The following KIF26B variants were observed in gnomAD, a reference collection of about 807,000 sequenced individuals.
KIF26B encodes kinesin family member 26B.
Under a neutral mutation model 151.2 loss-of-function variants are expected in KIF26B, and 63 were observed. That is an observed-to-expected ratio of 0.42 (90% confidence interval 0.34 to 0.51). KIF26B has a LOEUF of 0.51. Ranked by LOEUF, KIF26B falls within the 20% of genes least tolerant of loss-of-function variation. The probability of loss-of-function intolerance (pLI) is 0.07; values close to 1 mark genes in which losing one functional copy is unlikely to be tolerated. For missense variants in KIF26B, 2,813 were observed against 2,913.6 expected (o/e 0.97, Z 0.79); for synonymous variants, 1,357 against 1,262.1 (o/e 1.08, Z -1.59).
chr1:245,584,710 C>T (rs1489329068), intron 5 of KIF26B, among the ~76,000 whole-genome samples: 2 of 152,036 alleles, frequency 1.3e-5, no homozygotes, highest in Admixed American at 6.5e-5. Flanking sequence ...TATGCTTCTA[C>T]GATAGTAATA....
intron 2 of KIF26B, among the ~76,000 whole-genome samples, chr1:245,309,950 G>GTA (rs1225627058): frequency 7.6e-6 from 1 of 131,116 alleles, no homozygotes. Flanking sequence ...CTCACTATAT[G>GTA]TATATATATC....
chr1:245,473,690 C>T (rs1659966160), intron 4 of KIF26B, among the ~76,000 whole-genome samples: 1 of 151,878 alleles, frequency 6.6e-6, no homozygotes, highest in South Asian at 2.1e-4. Flanking sequence ...ACTTGAAATA[C>T]TTTCATAGGT....
intron 2 of KIF26B, among the ~76,000 whole-genome samples, chr1:245,161,995 A>G (rs574683472): frequency 1.3e-5 from 2 of 152,284 alleles, no homozygotes; most frequent in South Asian, 4.1e-4. Context: ...GAACCTCCTT[A>G]TATTTACGTG....
chr1:245,541,421 C>G (rs1314181916), intron 5 of KIF26B, among the ~76,000 whole-genome samples: 1 of 152,208 alleles, frequency 6.6e-6, no homozygotes, highest in Non-Finnish European at 1.5e-5. Flanking sequence ...TGCAGTCTTG[C>G]CTTTCTAGCC....
chr1:245,388,805 T>G (rs1253850022), intron 3 of KIF26B, among the ~76,000 whole-genome samples: 1 of 152,108 alleles, frequency 6.6e-6, no homozygotes, highest in African/African-American at 2.4e-5. Context: ...ATCCAATTGG[T>G]GGGTTGTTTC....
rs1477605401 is a variant in KIF26B, at chr1:245,568,919, AG to A, written c.1350+27970del. On this transcript the variant is annotated intron_variant, in intron 5 of 14. Coordinates refer to ENST00000407071, the MANE Select transcript of KIF26B (RefSeq NM_018012.4). Reference sequence around the variant, plus strand: ...ACAGTTCAAATGATTCTAAAACTAGAGATTAAATCCTGTGAATTTCCTACTC... The same window carrying A: ...ACAGTTCAAATGATTCTAAAACTAGAATTAAATCCTGTGAATTTCCTACTC... Among the ~76,000 whole-genome samples, 5 of 152,202 alleles carry A rather than the reference AG, an allele frequency of 3.3e-5. No individual in the cohort carries two copies. The East Asian group carries it at 9.6e-4, about 29-fold the overall frequency.
At chr1:245,334,305 G>A (rs944485534) in intron 2 of KIF26B, among the ~76,000 whole-genome samples, 9 of 152,314 alleles carry the variant, frequency 5.9e-5, no homozygotes, top group South Asian at 2.1e-4. Context: ...TTCCTAATGC[G>A]CAGGAATGTT....
intron 2 of KIF26B, among the ~76,000 whole-genome samples, chr1:245,304,322 G>T (rs1671495713): frequency 6.6e-6 from 1 of 152,164 alleles, no homozygotes. Flanking sequence ...CAATCCAATT[G>T]CTAAACAAGA....
chr1:245,285,998 TAAAAA>T (rs34582895), intron 2 of KIF26B, among the ~76,000 whole-genome samples: 1 of 110,832 alleles, frequency 9.0e-6, no homozygotes. Context: ...ACCCTCTCTC[TAAAAA>T]AAAAAAAAAA....
chr1:245,353,238 C>T (rs953918429), intron 2 of KIF26B, among the ~76,000 whole-genome samples: 3 of 152,178 alleles, frequency 2.0e-5, no homozygotes, highest in Admixed American at 1.3e-4. Context: ...CTGGTTTACT[C>T]ACCCCCTCTC....
rs745452487 is a variant in KIF26B at position 245,609,502 on chromosome 1, T to C, written c.1888T>C (p.Cys630Arg). Residue 630 changes from cysteine (C) to arginine (R), a missense_variant, in exon 8 of 15, where the codon TGT (cysteine) becomes CGT (arginine). This residue lies in a region of KIF26B where 2,060 missense variants were observed against 2,088.6 expected (regional missense o/e 0.99). Coordinates refer to ENST00000407071, the MANE Select transcript of KIF26B (RefSeq NM_018012.4). ...CGGCCAGTCCCCGGGCGTGTACCTC[T>C]GTGAGGACCCCATCTGCGGCACGCA... ...QDGQSPGVYLCEDPICGTQLQ... is the reference protein window; with the variant it reads ...QDGQSPGVYLREDPICGTQLQ... The C allele has an allele frequency of 1.3e-6, 2 of 1,576,358 alleles. No homozygotes were observed. Among genetic ancestry groups the C allele is most frequent in the South Asian group, 2.4e-5 (2 of 84,978 alleles).
In KIF26B at chr1:245,688,419, G is replaced by T. The variant is rs772475579; in HGVS notation, c.5436G>T (p.Leu1812=). Residue 1812 remains leucine, a synonymous_variant, in exon 12 of 15, where the codon CTG becomes CTT. Transcript: ENST00000407071. The part of the protein sequence containing the change: ...RAVSGRISEL[L]QGGAGARGLQ... Reference sequence around the variant, plus strand: ...TCAGCGGGCGCATCTCGGAGCTGCTGCAGGGTGGCGCGGGCGCCCGGGGCT... The same window carrying T: ...TCAGCGGGCGCATCTCGGAGCTGCTTCAGGGTGGCGCGGGCGCCCGGGGCT... The T allele has an allele frequency of 7.1e-5, 102 of 1,437,600 alleles. No individual in the cohort carries two copies. The highest frequency in any genetic ancestry group is 6.5e-5 in the Non-Finnish European group (72 of 1,101,926). The allele number at this position is 1,437,600 out of a possible 1,614,324, so 89.1% of individuals were successfully genotyped here.
At chr1:245,581,243 C>A (rs181056700) in intron 5 of KIF26B, among the ~76,000 whole-genome samples, 1 of 152,246 alleles carries the variant, frequency 6.6e-6, no homozygotes, top group Non-Finnish European at 1.5e-5. Flanking sequence ...AAGAGACCTA[C>A]AACAGTTGGT....
intron 2 of KIF26B, among the ~76,000 whole-genome samples, chr1:245,341,818 T>C (rs1287487895): frequency 6.6e-6 from 1 of 152,176 alleles, no homozygotes. Flanking sequence ...GGGTCACCAG[T>C]TGGGGCAGAG....
At chr1:245,682,199 C>A (rs1026873545) in intron 10 of KIF26B, among the ~76,000 whole-genome samples, 1 of 152,070 alleles carries the variant, frequency 6.6e-6, no homozygotes, top group Non-Finnish European at 1.5e-5. Context: ...GAGCCGAGAT[C>A]GTGCCGTTGC....
At chr1:245,332,794 C>T (rs1426987308) in intron 2 of KIF26B, among the ~76,000 whole-genome samples, 2 of 152,194 alleles carry the variant, frequency 1.3e-5, no homozygotes, top group Admixed American at 1.3e-4. Flanking sequence ...TTTGGGGTAT[C>T]TGTGGCTTTT....
rs1333734373 is a variant in KIF26B at position 245,685,608 on chromosome 1, C to T, written c.2625C>T (p.Leu875=). ...ACATCGGGCCCAACGGCACGGCCCT[C>T]TCTGACAAGGAGCTCACCGACAACG... ...VIYIGPNGTA[L]SDKELTDNEG... Residue 875 remains leucine, a synonymous_variant, in exon 12 of 15, where the codon CTC becomes CTT. Coordinates refer to ENST00000407071, the MANE Select transcript of KIF26B (RefSeq NM_018012.4). 2.5e-6 allele frequency: 4 copies of T among 1,613,794 alleles called. No individual in the cohort carries two copies. Among genetic ancestry groups the T allele is most frequent in the Middle Eastern group, 1.6e-4 (1 of 6,062 alleles).
intron 4 of KIF26B, among the ~76,000 whole-genome samples, chr1:245,430,773 G>A (rs1658758639): frequency 6.6e-6 from 1 of 152,158 alleles, no homozygotes; most frequent in Non-Finnish European, 1.5e-5. Context: ...GCCCCCATGA[G>A]TTGGCCGTGT....
Position 245,601,011 on chromosome 1 carries a change from T to C in KIF26B, c.1351-1566T>C, listed in dbSNP as rs2043390269. Among the ~76,000 whole-genome samples, 1 of 152,190 alleles carries C rather than the reference T, an allele frequency of 6.6e-6. No homozygotes were observed. The highest frequency in any genetic ancestry group is 2.1e-4 in the South Asian group (1 of 4,830). ...ACACAGTTTTCTCATCTGTAAAATCTGGACAGGCATACCTACACCCTGGAG... is the reference window on the plus strand; with the variant it reads ...ACACAGTTTTCTCATCTGTAAAATCCGGACAGGCATACCTACACCCTGGAG... On this transcript the variant is annotated intron_variant, in intron 5 of 14. Coordinates refer to ENST00000407071, the MANE Select transcript of KIF26B (RefSeq NM_018012.4). This position sits in a 1 kb window ranked among gnomAD's most constrained non-coding sequence, Gnocchi z 4.4.
Sources: gnomAD v4.1 joint callset for allele counts (sites outside exome capture counted in the v4.1 genomes callset) on GRCh38, gnomAD v4.1.1 for gene constraint, gnomAD v4.1.1 regional missense constraint, Gnocchi (gnomAD v3.1) non-coding constraint, MANE v1.5 for transcripts, NCBI Gene and HGNC (gene_info 2026-07-23, HGNC 2026-07-21) for gene names.